The following MFAP3 variants were observed in gnomAD, a reference collection of about 807,000 sequenced individuals.
MFAP3 encodes the protein microfibril associated protein 3.
MFAP3 carries 8 observed loss-of-function variants against 20.5 expected under a neutral mutation model. The ratio of observed to expected loss-of-function variants is 0.39; its 90% CI spans 0.23 to 0.70. The LOEUF (loss-of-function observed/expected upper bound fraction) is 0.70. MFAP3 is among the 30% of genes least tolerant of loss of function. The pLI is 0.44. For synonymous variants in MFAP3, 140 were observed against 154.0 expected (o/e 0.91, Z 0.67); for missense variants, 398 against 444.6 (o/e 0.90, Z 0.94).
chr5:154,054,324 A>C lies in MFAP3; in HGVS notation c.*611A>C, dbSNP rs1306548039. On this transcript the variant is annotated 3_prime_UTR_variant, in exon 3 of 3. Transcript: ENST00000522782. ...ATGTGGAGCATATAATGATATGTGCAAGATTGAATCTTTTCAATGTAGCAC... is the reference window on the plus strand; with the variant it reads ...ATGTGGAGCATATAATGATATGTGCCAGATTGAATCTTTTCAATGTAGCAC... The C allele has an allele frequency of 6.0e-6, 1 of 167,244 alleles. No homozygotes were observed. The highest frequency in any genetic ancestry group is 2.4e-5 in the African/African-American group (1 of 41,466). 10.4% of individuals were successfully genotyped at this position (167,244 alleles called of 1,614,324 possible).
At chr5:154,052,803 C>CT (rs761642296) in intron 2 of MFAP3, 117 bp from the exon 3 acceptor site, 36 of 880,678 alleles carry the variant, frequency 4.1e-5, no homozygotes, top group Admixed American at 1.8e-4. Flanking sequence ...ATGGTAGAAT[C>CT]TAACAAATCA....
intron 2 of MFAP3, among the ~76,000 whole-genome samples, chr5:154,051,564 G>A (rs1461765833): frequency 6.6e-6 from 1 of 152,182 alleles, no homozygotes; most frequent in Non-Finnish European, 1.5e-5. Flanking sequence ...TAGTGCAATG[G>A]TTGATGAATG....
chr5:154,043,495 G>A (rs1773007613), intron 1 of MFAP3, among the ~76,000 whole-genome samples: 1 of 150,272 alleles, frequency 6.7e-6, no homozygotes, highest in Non-Finnish European at 1.5e-5. Flanking sequence ...AGGTTGCAGT[G>A]AGCCGAGATC....
intron 1 of MFAP3, among the ~76,000 whole-genome samples, chr5:154,039,647 C>G (rs1772863017): frequency 6.6e-6 from 1 of 152,190 alleles, no homozygotes; most frequent in Admixed American, 6.5e-5. Flanking sequence ...TGATTTATGA[C>G]TCTAAGATTA....
At chr5:154,039,988 A>T (rs1024305277) in intron 1 of MFAP3, among the ~76,000 whole-genome samples, 6 of 151,402 alleles carry the variant, frequency 4.0e-5, no homozygotes, top group African/African-American at 1.4e-4. Context: ...AATTCCAAAA[A>T]ACAACAACAA....
chr5:154,054,981 TGATG>T lies in MFAP3; in HGVS notation c.*1273_*1276del, dbSNP rs1773293508. 1 of 166,750 alleles carries T rather than the reference TGATG, an allele frequency of 6.0e-6. No homozygotes were observed. Among genetic ancestry groups the T allele is most frequent in the Non-Finnish European group, 1.5e-5 (1 of 68,062 alleles). 10.3% of individuals were successfully genotyped at this position (166,750 alleles called of 1,614,324 possible). On this transcript the variant is annotated 3_prime_UTR_variant, in exon 3 of 3. Coordinates refer to ENST00000522782, the MANE Select transcript of MFAP3 (RefSeq NM_005927.5). ...ATCTAGACATCAAGAGGAAGAAAAA[TGATG>T]GATGATGCCACCTGCTTCAACTGTA...
chr5:154,049,494 A>T, intron 1 of MFAP3, 63 bp from the exon 2 acceptor site: 1 of 517,422 alleles, frequency 1.9e-6, no homozygotes, highest in Middle Eastern at 5.2e-4. Flanking sequence ...ATTCTGGAAC[A>T]TACGCACTTT....
intron 2 of MFAP3, among the ~76,000 whole-genome samples, chr5:154,052,117 G>T (rs1031778888): frequency 1.3e-5 from 2 of 152,062 alleles, no homozygotes; most frequent in Non-Finnish European, 2.9e-5. Flanking sequence ...TTCTATATAC[G>T]TGTTCCCTGA....
chr5:154,052,616 A>C (rs958314606), intron 2 of MFAP3, among the ~76,000 whole-genome samples: 1 of 152,184 alleles, frequency 6.6e-6, no homozygotes, highest in Non-Finnish European at 1.5e-5. Flanking sequence ...TTAGTCATTT[A>C]GCATTTTATA....
At position 154,056,606 on chromosome 5, in the gene MFAP3, C is replaced by T. The variant is rs775695447; in HGVS notation, c.*2893C>T. On this transcript the variant is annotated 3_prime_UTR_variant, in exon 3 of 3. Transcript: ENST00000522782. The stretch of plus-strand genomic sequence containing the variant: ...CTGTCATCTCATTTGTAAATTTTGT[C>T]GTGTATTGTGATATAGTGAACCTTA... 3.9e-5 allele frequency among the ~76,000 whole-genome samples: 6 copies of T among 152,024 alleles called. No homozygotes were observed. The highest frequency in any genetic ancestry group is 7.4e-5 in the Non-Finnish European group (5 of 68,002).
intron 1 of MFAP3, 158 bp downstream of exon 1, chr5:154,039,169 C>G (rs1357641442): frequency 1.3e-5 from 2 of 152,282 alleles, no homozygotes; most frequent in Non-Finnish European, 2.9e-5. Flanking sequence ...TCATCGAACA[C>G]TTACTGAGAG....
chr5:154,042,736 C>T (rs539954411), intron 1 of MFAP3, among the ~76,000 whole-genome samples: 6 of 151,950 alleles, frequency 3.9e-5, no homozygotes, highest in Non-Finnish European at 8.8e-5. Context: ...CCAAGTGTGA[C>T]AGTGCAGGCA....
intron 1 of MFAP3, among the ~76,000 whole-genome samples, chr5:154,040,605 G>T (rs1042339746): frequency 6.6e-6 from 1 of 152,290 alleles, no homozygotes; most frequent in South Asian, 2.1e-4. Flanking sequence ...TACGGTGATT[G>T]TCATGCCAGT....
intron 1 of MFAP3, among the ~76,000 whole-genome samples, chr5:154,043,579 G>C (rs1581860631): frequency 6.6e-6 from 1 of 151,792 alleles, no homozygotes; most frequent in Non-Finnish European, 1.5e-5. Flanking sequence ...AAAAGGAAAG[G>C]TAATAAAAAA....
Position 154,048,182 on chromosome 5 carries a change from G to T in MFAP3, c.-166-1375G>T, listed in dbSNP as rs914033035. ...ATATTACTTCCAAAATCCCCTCTCT[G>T]CCTAAGTCTTTGTTTCCTTTAGTGT... On this transcript the variant is annotated intron_variant, in intron 1 of 2. Coordinates refer to ENST00000522782, the MANE Select transcript of MFAP3 (RefSeq NM_005927.5). 4.0e-4 allele frequency among the ~76,000 whole-genome samples: 61 copies of T among 152,244 alleles called. 1 individual carries two copies. Among genetic ancestry groups the T allele is most frequent in the African/African-American group, 1.4e-3 (60 of 41,552 alleles).
intron 1 of MFAP3, among the ~76,000 whole-genome samples, chr5:154,040,947 G>A (rs966409692): frequency 3.3e-5 from 5 of 152,128 alleles, no homozygotes; most frequent in Admixed American, 1.3e-4. Context: ...CTACCAAGTC[G>A]ATGAGTGTCT....
At position 154,049,831 on chromosome 5, in the gene MFAP3, C is replaced by G. The variant is rs761733582; in HGVS notation, c.109C>G (p.Arg37Gly). 3 of 1,613,664 alleles carry G rather than the reference C, an allele frequency of 1.9e-6. No homozygotes were observed. The Admixed American group carries it at 5.0e-5, about 27-fold the overall frequency. The change falls in exon 2 of 3, where the codon CGT becomes GGT. Residue 37 changes from arginine (R) to glycine (G), a missense_variant. Transcript: ENST00000522782. The stretch of plus-strand genomic sequence containing the variant: ...CCAAATGGTTTCACTGGAAGCAAAT[C>G]GTAGTTCTTACAATGCATCCTTTCC... Reference protein sequence around the residue: ...FDQMVSLEANRSSYNASFPSS... With the variant: ...FDQMVSLEANGSSYNASFPSS...
chr5:154,050,758 C>T (rs951472942), intron 2 of MFAP3, among the ~76,000 whole-genome samples: 1 of 151,552 alleles, frequency 6.6e-6, no homozygotes, highest in Non-Finnish European at 1.5e-5. Context: ...TTTAATTTTC[C>T]TATTCATGGA....
In MFAP3 at chr5:154,054,574, A is replaced by G. The variant is rs1398297812; in HGVS notation, c.*861A>G. 4 of 167,026 alleles carry G rather than the reference A, an allele frequency of 2.4e-5. No individual in the cohort carries two copies. Among genetic ancestry groups the G allele is most frequent in the Non-Finnish European group, 5.9e-5 (4 of 68,114 alleles). The allele number at this position is 167,026 out of a possible 1,614,324, so 10.3% of individuals were successfully genotyped here. A position where few individuals can be genotyped will look rare whatever the true frequency, so the allele number is the denominator to read the frequency against. Reference sequence around the variant, plus strand: ...TTTAGAATAAGAACAGTGTCAAATCATCTGTCTTCTGGAAAATCATGGATT... The same window carrying G: ...TTTAGAATAAGAACAGTGTCAAATCGTCTGTCTTCTGGAAAATCATGGATT... On this transcript the variant is annotated 3_prime_UTR_variant, in exon 3 of 3. Transcript: ENST00000522782.
Sources: gnomAD v4.1 joint callset for allele counts (sites outside exome capture counted in the v4.1 genomes callset) on GRCh38, gnomAD v4.1.1 for gene constraint, MANE v1.5 for transcripts, NCBI Gene and HGNC (gene_info 2026-07-23, HGNC 2026-07-21) for gene names.